Variants in DOP1A observed in about 807,000 individuals in gnomAD.
DOP1A encodes protein DOP1A.
Under a neutral mutation model 267.6 loss-of-function variants are expected in DOP1A, and 90 were observed. That is an observed-to-expected ratio of 0.34 (90% CI 0.28 to 0.40). The LOEUF is 0.40. DOP1A is among the 10% of genes least tolerant of loss of function. The pLI is 1.00. For missense variants in DOP1A, 2,437 were observed against 2,900.4 expected, an observed-to-expected ratio of 0.84 and a Z score of 3.67; for synonymous variants, 932 against 999.1, an observed-to-expected ratio of 0.93 and a Z score of 1.27.
intron 7 of DOP1A, among the ~76,000 whole-genome samples, chr6:83,115,746 A>G (rs930930908): frequency 6.6e-6 from 1 of 152,150 alleles, no homozygotes; most frequent in African/African-American, 2.4e-5. Flanking sequence ...AAGAGAATAC[A>G]ATACATTGCT....
chr6:83,128,798 GTCTAAAACA>G, intron 15 of DOP1A, 80 bp from the exon 16 acceptor site: 1 of 1,437,852 alleles, frequency 7.0e-7, no homozygotes, highest in Non-Finnish European at 9.2e-7. Context: ...GTTGTGAATA[GTCTAAAACA>G]TCTCAAAAGT....
chr6:83,169,990 G>C, downstream of DOP1A: 2 of 403,182 alleles, frequency 5.0e-6, no homozygotes, highest in South Asian at 4.4e-5. Flanking sequence ...TTTAAAAGAA[G>C]AGAAAAGGAT....
At chr6:83,166,404 C>T in intron 38 of DOP1A, 1 of 702,128 alleles carries the variant, frequency 1.4e-6, no homozygotes. Context: ...ACTGTATGTT[C>T]ATTAGCAGTT....
At chr6:83,108,593 A>G (rs1022101799) in intron 4 of DOP1A, among the ~76,000 whole-genome samples, 1 of 152,226 alleles carries the variant, frequency 6.6e-6, no homozygotes, top group Non-Finnish European at 1.5e-5. Flanking sequence ...TAGTGATGCC[A>G]TATTTTGAAA....
At chr6:83,157,360 T>C (rs923850416) in intron 35 of DOP1A, 42 bp downstream of exon 35, 2 of 1,591,630 alleles carry the variant, frequency 1.3e-6, no homozygotes, top group African/African-American at 2.7e-5. Flanking sequence ...ATCTAAATGA[T>C]AAAACAGTGA....
intron 12 of DOP1A, 97 bp downstream of exon 12, chr6:83,123,079 A>C: frequency 2.3e-6 from 3 of 1,306,966 alleles, no homozygotes; most frequent in Non-Finnish European, 3.1e-6. Context: ...TCTTTTATAC[A>C]TTCTATTACT....
chr6:83,169,197 T>TA (rs766240345), downstream of DOP1A: 4 of 1,612,102 alleles, frequency 2.5e-6, no homozygotes, highest in South Asian at 4.4e-5. Context: ...TAAAGACTTG[T>TA]AAAAAGTCCA....
chr6:83,169,841 C>G (rs1562406839), downstream of DOP1A: 1 of 456,370 alleles, frequency 2.2e-6, no homozygotes. Flanking sequence ...AGTCTTGACC[C>G]CTGTCAGGGA....
At chr6:83,076,381 G>C (rs1015599309) in intron 1 of DOP1A, among the ~76,000 whole-genome samples, 2 of 152,122 alleles carry the variant, frequency 1.3e-5, no homozygotes, top group African/African-American at 4.8e-5. Context: ...AATTAGCTGG[G>C]CGTGGTGGTG....
At chr6:83,081,360 A>G (rs551785353) in intron 1 of DOP1A, among the ~76,000 whole-genome samples, 15 of 151,936 alleles carry the variant, frequency 9.9e-5, no homozygotes, top group African/African-American at 3.4e-4. Flanking sequence ...ACCCACCTCA[A>G]CCTCCCAAAG....
intron 24 of DOP1A, among the ~76,000 whole-genome samples, chr6:83,142,870 T>C (rs534848896): frequency 6.6e-6 from 1 of 152,304 alleles, no homozygotes; most frequent in East Asian, 1.9e-4. Context: ...AAATGCTCTA[T>C]ATTGAAAACA....
At position 83,157,280 on chromosome 6, in the gene DOP1A, C is replaced by T. The variant is rs1782999829; in HGVS notation, c.6703C>T (p.His2235Tyr). Residue 2235 changes from histidine (H) to tyrosine (Y), a missense_variant, in exon 35 of 39, where the codon CAT becomes TAT. Physicochemically the swap from His to Tyr is moderately conservative, Grantham distance 83. Coordinates refer to ENST00000349129, the MANE Select transcript of DOP1A (RefSeq NM_015018.4). ...RVLLLRMSPQ[H>Y]LTSLWPTMIT... ...GTTACTTTTAAGAATGTCTCCCCAA[C>T]ATCTTACCTCACTCTGGCCTACCAT... The T allele has an allele frequency of 6.2e-7, 1 of 1,613,886 alleles. No homozygotes were observed. The highest frequency in any genetic ancestry group is 8.5e-7 in the Non-Finnish European group (1 of 1,179,842).
intron 3 of DOP1A, among the ~76,000 whole-genome samples, chr6:83,098,958 G>A (rs1424030891): frequency 1.3e-5 from 2 of 152,146 alleles, no homozygotes; most frequent in Non-Finnish European, 2.9e-5. Context: ...TGAAATAGGG[G>A]TCTTTGACCT....
chr6:83,108,880 C>T lies in DOP1A; in HGVS notation c.321-30C>T, dbSNP rs761763793. 70 of 1,586,314 alleles carry T rather than the reference C, an allele frequency of 4.4e-5. No individual in the cohort carries two copies. The East Asian group carries it at 1.2e-3, about 28-fold the overall frequency. Reference sequence around the variant, plus strand: ...TTAATATTGTATAGTTATTTTGCTTCCTTCTCCTTTGTCTTTATTTTTTTA... The same window carrying T: ...TTAATATTGTATAGTTATTTTGCTTTCTTCTCCTTTGTCTTTATTTTTTTA... On this transcript the variant is annotated intron_variant, in intron 4 of 38. Transcript: ENST00000349129.
chr6:83,074,778 T>C (rs7766560), intron 1 of DOP1A, among the ~76,000 whole-genome samples: 104,204 of 152,140 alleles, frequency 0.68, 36,553 homozygotes, highest in Middle Eastern at 0.81. Context: ...GTGGTTAAGA[T>C]AGTAAATTTT....
rs1211944898 is a variant in DOP1A at position 83,168,235 on chromosome 6, G to A, written c.*68G>A. On this transcript the variant is annotated 3_prime_UTR_variant, in exon 39 of 39. Transcript: ENST00000349129. ...ATTTAAAACACACACACTGCTCTGC[G>A]TTGTATAGTTTTTCCTTTTTTGTAT... 42 of 1,500,002 alleles carry A rather than the reference G, an allele frequency of 2.8e-5. No individual in the cohort carries two copies. The highest frequency in any genetic ancestry group is 7.1e-5 in the East Asian group (3 of 42,142). 92.9% of individuals were successfully genotyped at this position (1,500,002 alleles called of 1,614,324 possible).
rs376403565 is a variant in DOP1A, at chr6:83,111,624, C to T, written c.681+1310C>T. ...TGATTTGCATTTCCCTAAAGACTAA[C>T]GATGAACATCTTGTGGTTGGTTATT... On this transcript the variant is annotated intron_variant, in intron 6 of 38. Coordinates refer to ENST00000349129, the MANE Select transcript of DOP1A (RefSeq NM_015018.4). 1.8e-4 allele frequency among the ~76,000 whole-genome samples: 27 copies of T among 152,132 alleles called. No individual in the cohort carries two copies. The South Asian group carries it at 5.2e-3, about 29-fold the overall frequency.
chr6:83,105,218 A>G (rs905196993), intron 4 of DOP1A, among the ~76,000 whole-genome samples: 2 of 152,148 alleles, frequency 1.3e-5, no homozygotes, highest in African/African-American at 4.8e-5. Context: ...ACTGACAGAT[A>G]GTATACCCTT....
chr6:83,114,383 C>T (rs919843600), intron 7 of DOP1A, among the ~76,000 whole-genome samples: 3 of 152,126 alleles, frequency 2.0e-5, no homozygotes, highest in Non-Finnish European at 4.4e-5. Context: ...GTCATCTCAG[C>T]GTAATCTAAA....
Sources: allele counts gnomAD v4.1 joint callset (sites outside exome capture counted in the v4.1 genomes callset), GRCh38; gene constraint gnomAD v4.1.1; transcripts MANE v1.5; gene names NCBI Gene and HGNC (gene_info 2026-07-23, HGNC 2026-07-21).